Variants in DOCK10 observed in about 807,000 individuals in gnomAD.
DOCK10 encodes dedicator of cytokinesis protein 10.
DOCK10 carries 145 observed loss-of-function variants against 280.1 expected under a neutral mutation model. The ratio of observed to expected loss-of-function variants is 0.52; its 90% CI spans 0.45 to 0.59. The LOEUF is 0.59. Ranked by LOEUF, DOCK10 falls within the 20% of genes least tolerant of loss-of-function variation. DOCK10 has a pLI of 0.00. For missense variants in DOCK10, 2,368 were observed against 2,651.7 expected (o/e 0.89, Z 2.35); for synonymous variants, 915 against 942.2 (o/e 0.97, Z 0.53).
At chr2:224,906,992 A>T (rs1232215536) in intron 3 of DOCK10, among the ~76,000 whole-genome samples, 1 of 152,228 alleles carries the variant, frequency 6.6e-6, no homozygotes, top group East Asian at 1.9e-4. Context: ...ACACAATGTG[A>T]TCTGTAGTAA....
chr2:224,922,803 G>A (rs1378536804), intron 2 of DOCK10, among the ~76,000 whole-genome samples: 1 of 152,146 alleles, frequency 6.6e-6, no homozygotes, highest in Non-Finnish European at 1.5e-5. Flanking sequence ...AGCTTCCTCT[G>A]ACAGTATTGT....
intron 1 of DOCK10, among the ~76,000 whole-genome samples, chr2:225,015,439 T>A (rs1357825565): frequency 6.6e-6 from 1 of 152,216 alleles, no homozygotes; most frequent in Non-Finnish European, 1.5e-5. Context: ...GGAACGTTGA[T>A]CTGACTGGGT....
intron 3 of DOCK10, among the ~76,000 whole-genome samples, chr2:224,905,156 T>C (rs1700524419): frequency 1.3e-5 from 2 of 152,190 alleles, no homozygotes; most frequent in Non-Finnish European, 2.9e-5. Context: ...TTTTTCATGT[T>C]TACAGAATTT....
Position 224,961,402 on chromosome 2 carries a change from TTC to T in DOCK10, c.124-29736_124-29735del, listed in dbSNP as rs1293801914. Among the ~76,000 whole-genome samples, 7 of 121,358 alleles carry T rather than the reference TTC, an allele frequency of 5.8e-5. No individual in the cohort carries two copies. In the East Asian group the frequency reaches 6.8e-4, roughly 12 times the overall value. The allele number at this position is 121,358 out of a possible 152,430, so 79.6% of individuals were successfully genotyped here. On this transcript the variant is annotated intron_variant, in intron 1 of 55. Transcript: ENST00000258390. The stretch of plus-strand genomic sequence containing the variant: ...TTATTTTTGCATAGCAGCATTTTCT[TTC>T]TTTCTTTCTCTTTCTTTCTTTCTTT...
At position 224,864,670 on chromosome 2, in the gene DOCK10, T is replaced by A; in HGVS notation, c.1485A>T (p.Val495=). 6.2e-7 allele frequency: 1 copy of A among 1,610,466 alleles called. No homozygotes were observed. The change falls in exon 13 of 56, where the codon GTA becomes GTT. Residue 495 remains valine (V), a synonymous_variant. Transcript: ENST00000258390. ...CAGAATGTGGATTGCTTACAGAAAA[T>A]ACAGCCTGTGTACAAAGAAAGCAGC... is the stretch of plus-strand genomic sequence containing the variant. ...EEWLKFPKQA[V]FSVSNPHSEI... is the part of the protein sequence containing the mutation.
intron 3 of DOCK10, among the ~76,000 whole-genome samples, chr2:224,902,264 A>AT (rs968149343): frequency 1.9e-4 from 28 of 151,282 alleles, no homozygotes; most frequent in African/African-American, 6.1e-4. Context: ...AGCAAGTAAC[A>AT]TTTTTTTTTC....
intron 1 of DOCK10, among the ~76,000 whole-genome samples, chr2:224,949,862 T>C (rs1703631440): frequency 1.3e-5 from 2 of 152,210 alleles, no homozygotes; most frequent in South Asian, 4.1e-4. Context: ...GCCTGGTACA[T>C]AGTATGCATA....
intron 3 of DOCK10, among the ~76,000 whole-genome samples, chr2:224,897,598 G>T (rs1575017641): frequency 1.3e-5 from 2 of 152,070 alleles, no homozygotes; most frequent in African/African-American, 4.8e-5. Flanking sequence ...TTCTCTGTGG[G>T]TTGAATTGTT....
intron 11 of DOCK10, among the ~76,000 whole-genome samples, chr2:224,870,814 C>CTTT (rs1559614196): frequency 4.7e-5 from 5 of 106,474 alleles, no homozygotes; most frequent in African/African-American, 2.8e-4. Context: ...ATGGCCACTC[C>CTTT]ATTTTTTTTT....
chr2:224,994,973 T>C (rs1706230367), intron 1 of DOCK10, among the ~76,000 whole-genome samples: 1 of 152,194 alleles, frequency 6.6e-6, no homozygotes, highest in Admixed American at 6.5e-5. Flanking sequence ...ACACAAGATG[T>C]TGACTGGGCC....
intron 4 of DOCK10, among the ~76,000 whole-genome samples, chr2:224,892,427 G>GAAAGAAAAGA (rs61162322): frequency 0.38 from 36,031 of 93,628 alleles, 7,106 homozygotes; most frequent in Admixed American, 0.48. Flanking sequence ...AAAAAAGAAA[G>GAAAGAAAAGA]AAAGAAAAGA....
chr2:224,887,318 G>C (rs1184244458), intron 4 of DOCK10, among the ~76,000 whole-genome samples: 1 of 152,146 alleles, frequency 6.6e-6, no homozygotes, highest in Non-Finnish European at 1.5e-5. Context: ...GTGGCCACTA[G>C]GCTGTGTTGC....
chr2:224,912,175 T>C (rs1447811368), intron 3 of DOCK10, among the ~76,000 whole-genome samples: 1 of 151,802 alleles, frequency 6.6e-6, no homozygotes, highest in Non-Finnish European at 1.5e-5. Context: ...AGTTTTGCTC[T>C]TGTTGCCCAG....
intron 27 of DOCK10, among the ~76,000 whole-genome samples, chr2:224,825,454 C>T (rs1694781995): frequency 6.6e-6 from 1 of 152,208 alleles, no homozygotes; most frequent in Non-Finnish European, 1.5e-5. Context: ...TTCCATAAAA[C>T]TTGGGTAATA....
intron 1 of DOCK10, among the ~76,000 whole-genome samples, chr2:224,979,584 A>G (rs935260393): frequency 6.6e-6 from 1 of 151,994 alleles, no homozygotes; most frequent in African/African-American, 2.4e-5. Flanking sequence ...TTCTTCTAAC[A>G]CTCCAGGCTT....
chr2:225,018,524 TA>T (rs1689680146), intron 1 of DOCK10, among the ~76,000 whole-genome samples: 1 of 37,108 alleles, frequency 2.7e-5, no homozygotes, highest in African/African-American at 8.3e-5. Context: ...TATATATATA[TA>T]ATATATATGT....
intron 11 of DOCK10, among the ~76,000 whole-genome samples, chr2:224,867,111 A>T (rs1182864767): frequency 3.6e-5 from 5 of 140,494 alleles, no homozygotes; most frequent in Non-Finnish European, 7.9e-5. Flanking sequence ...CACACACAAA[A>T]TTTATTTATC....
chr2:224,913,742 A>C (rs1392052301), intron 3 of DOCK10, among the ~76,000 whole-genome samples: 1 of 150,180 alleles, frequency 6.7e-6, no homozygotes, highest in Non-Finnish European at 1.5e-5. Context: ...TTATTTATTT[A>C]TTTGAGACAG....
At chr2:224,880,888 C>T (rs190323122) in intron 7 of DOCK10, among the ~76,000 whole-genome samples, 113 of 152,278 alleles carry the variant, frequency 7.4e-4, no homozygotes, top group Non-Finnish European at 1.4e-3. Flanking sequence ...CATACAACAT[C>T]AAATCCAGGT....
Sources: allele counts gnomAD v4.1 joint callset (sites outside exome capture counted in the v4.1 genomes callset), GRCh38; gene constraint gnomAD v4.1.1; transcripts MANE v1.5; gene names NCBI Gene and HGNC (gene_info 2026-07-23, HGNC 2026-07-21).